Variants in ENTPD7 observed in about 807,000 individuals in gnomAD.
The protein encoded by ENTPD7 is NTPDase 7.
A neutral mutation model predicts 77.9 loss-of-function variants in ENTPD7; 53 were observed. The observed-to-expected ratio is 0.68, with a 90% confidence interval of 0.55 to 0.85. ENTPD7 has a LOEUF of 0.85. ENTPD7 is among the 40% of genes least tolerant of loss of function. ENTPD7 has a pLI of 0.00. For missense variants in ENTPD7, 636 were observed against 743.7 expected, an observed-to-expected ratio of 0.86 and a Z score of 1.68; for synonymous variants, 248 against 274.9, an observed-to-expected ratio of 0.90 and a Z score of 0.97.
chr10:99,680,219 C>A (rs1021788263), intron 5 of ENTPD7, among the ~76,000 whole-genome samples: 4 of 152,132 alleles, frequency 2.6e-5, no homozygotes, highest in Admixed American at 2.6e-4. Flanking sequence ...GGAACACTAC[C>A]TTTTCTGTAA....
In ENTPD7 at chr10:99,691,441, A is replaced by G; in HGVS notation, c.766A>G (p.Ile256Val). 3 of 1,614,086 alleles carry G rather than the reference A, an allele frequency of 1.9e-6. No individual in the cohort carries two copies. The highest frequency in any genetic ancestry group is 2.5e-6 in the Non-Finnish European group (3 of 1,179,980). ...AGCAGGACGGAGAAGGACAGTAGGG[A>G]TACTGGATATGGGAGGAGCCTCTCT... ...LAAGRRRTVG[I>V]LDMGGASLQI... Residue 256 changes from isoleucine (I) to valine (V), a missense_variant, in exon 8 of 13, where the codon ATA becomes GTA. Ile to Val is a conservative substitution (Grantham distance 29). Coordinates refer to ENST00000370489, the MANE Select transcript of ENTPD7 (RefSeq NM_020354.5).
chr10:99,685,724 C>T, intron 5 of ENTPD7, 68 bp from the exon 6 acceptor site: 1 of 1,138,412 alleles, frequency 8.8e-7, no homozygotes, highest in East Asian at 2.4e-5. Flanking sequence ...AGTAGAAGGA[C>T]AAGTTGAGGC....
At chr10:99,686,077 G>A (rs2035807832) in intron 6 of ENTPD7, among the ~76,000 whole-genome samples, 182 bp downstream of exon 6, 1 of 152,132 alleles carries the variant, frequency 6.6e-6, no homozygotes, top group Admixed American at 6.5e-5. Context: ...TGTTTAGAAT[G>A]CTGGTTCTGG....
Position 99,709,285 on chromosome 10 carries a change from A to C in ENTPD7, c.*4602A>C. 1.0e-6 allele frequency: 1 copy of C among 985,408 alleles called. No individual in the cohort carries two copies. Among genetic ancestry groups the C allele is most frequent in the Non-Finnish European group, 1.2e-6 (1 of 829,914 alleles). The allele number at this position is 985,408 out of a possible 1,614,324, so 61.0% of individuals were successfully genotyped here. A position where few individuals can be genotyped will look rare whatever the true frequency, so the allele number is the denominator to read the frequency against. ...TTGTTGTCTTTAAACTTTTCAAATTAATTCAAAACTAGTATCTAATTGTCC... is the reference window on the plus strand; with the variant it reads ...TTGTTGTCTTTAAACTTTTCAAATTCATTCAAAACTAGTATCTAATTGTCC... On this transcript the variant is annotated 3_prime_UTR_variant, in exon 13 of 13. Coordinates refer to ENST00000370489, the MANE Select transcript of ENTPD7 (RefSeq NM_020354.5).
At chr10:99,668,322 T>C (rs187664686) in intron 3 of ENTPD7, among the ~76,000 whole-genome samples, 21 of 152,288 alleles carry the variant, frequency 1.4e-4, no homozygotes, top group African/African-American at 4.3e-4. Context: ...TAATTGGGAC[T>C]CTTCTCAAGG....
chr10:99,669,788 C>T (rs1246952570), intron 3 of ENTPD7, among the ~76,000 whole-genome samples: 2 of 107,490 alleles, frequency 1.9e-5, no homozygotes, highest in South Asian at 3.3e-4. Flanking sequence ...CTTGCTCTGT[C>T]GTCCAGGCTG....
chr10:99,678,253 G>T (rs1189839622), intron 3 of ENTPD7, among the ~76,000 whole-genome samples: 4 of 151,734 alleles, frequency 2.6e-5, no homozygotes, highest in African/African-American at 9.7e-5. Flanking sequence ...CGGATCACGA[G>T]GTCAGGAGAT....
chr10:99,700,546 T>C (rs1290202265), intron 10 of ENTPD7, among the ~76,000 whole-genome samples: 1 of 152,146 alleles, frequency 6.6e-6, no homozygotes, highest in African/African-American at 2.4e-5. Flanking sequence ...GAACAGCACC[T>C]GGCACATAGC....
intron 3 of ENTPD7, among the ~76,000 whole-genome samples, chr10:99,661,876 A>G (rs2035491829): frequency 1.3e-5 from 2 of 152,202 alleles, no homozygotes; most frequent in Non-Finnish European, 2.9e-5. Context: ...TGTGTGTATA[A>G]ATGTTTAGGA....
chr10:99,704,596 C>G lies in ENTPD7; in HGVS notation c.1728C>G (p.His576Gln). The change falls in exon 13 of 13, where the codon CAC (histidine) becomes CAG (glutamine). Residue 576 changes from histidine to glutamine, a missense_variant. Physicochemically the swap from His to Gln is conservative, Grantham distance 24 (BLOSUM62 0). This residue lies in a region of ENTPD7 where 138 missense variants were observed against 150.9 expected (regional missense o/e 0.91). Coordinates refer to ENST00000370489, the MANE Select transcript of ENTPD7 (RefSeq NM_020354.5). ...ACCTTCTGCGGCTACGCCGAATTCA[C>G]CACCGACAAACACGAGCCTCAGCTC... ...FLYLLRLRRI[H>Q]HRQTRASAPL... is the part of the protein sequence containing the mutation. The G allele has an allele frequency of 6.2e-7, 1 of 1,614,180 alleles. No individual in the cohort carries two copies. Among genetic ancestry groups the G allele is most frequent in the South Asian group, 1.1e-5 (1 of 91,082 alleles).
chr10:99,672,908 T>A (rs1379199789), intron 3 of ENTPD7, among the ~76,000 whole-genome samples: 1 of 152,204 alleles, frequency 6.6e-6, no homozygotes, highest in Non-Finnish European at 1.5e-5. Context: ...TAAAGTGGTA[T>A]AATTAGTTTT....
chr10:99,699,759 T>G (rs866859178), intron 10 of ENTPD7, among the ~76,000 whole-genome samples: 1 of 152,048 alleles, frequency 6.6e-6, no homozygotes, highest in Non-Finnish European at 1.5e-5. Flanking sequence ...AGAGATGGGG[T>G]TTTGCCATGT....
At chr10:99,695,250 C>A (rs1223265645) in intron 8 of ENTPD7, among the ~76,000 whole-genome samples, 5 of 152,264 alleles carry the variant, frequency 3.3e-5, no homozygotes, top group African/African-American at 1.2e-4. Flanking sequence ...CAGAACCGGG[C>A]ACAGTGGCTC....
intron 3 of ENTPD7, among the ~76,000 whole-genome samples, chr10:99,665,019 G>A (rs2035531208): frequency 6.6e-6 from 1 of 151,852 alleles, no homozygotes; most frequent in African/African-American, 2.4e-5. Context: ...GGGAGGCGGA[G>A]GCAGGTGGAT....
Position 99,661,506 on chromosome 10 carries a change from A to T in ENTPD7, c.69A>T (p.Pro23=), listed in dbSNP as rs1258087569. The change falls in exon 3 of 13, where the codon CCA becomes CCT. Residue 23 remains proline, a synonymous_variant. Coordinates refer to ENST00000370489, the MANE Select transcript of ENTPD7 (RefSeq NM_020354.5). ...SWYFTVPTVS[P]FLRQRVAFLG... is the part of the protein sequence containing the mutation. Reference sequence around the variant, plus strand: ...ACTTCACTGTGCCCACAGTGAGTCCATTTCTCCGTCAGCGGGTGGCATTCC... The same window carrying T: ...ACTTCACTGTGCCCACAGTGAGTCCTTTTCTCCGTCAGCGGGTGGCATTCC... The T allele has an allele frequency of 1.2e-6, 2 of 1,613,916 alleles. No homozygotes were observed. Among genetic ancestry groups the T allele is most frequent in the East Asian group, 2.2e-5 (1 of 44,858 alleles).
chr10:99,671,480 C>T (rs1185014619), intron 3 of ENTPD7, among the ~76,000 whole-genome samples: 2 of 152,128 alleles, frequency 1.3e-5, no homozygotes, highest in African/African-American at 4.8e-5. Flanking sequence ...TAAGCCTGCA[C>T]AGGATCAGGA....
chr10:99,701,511 C>T (rs1253327732), intron 11 of ENTPD7, among the ~76,000 whole-genome samples: 1 of 151,582 alleles, frequency 6.6e-6, no homozygotes, highest in African/African-American at 2.4e-5. Context: ...TGGTCTTGAA[C>T]TCCTGAGCTC....
rs138755490 is a variant in ENTPD7 at position 99,670,257 on chromosome 10, A to G, written c.191+8629A>G. 8.5e-5 allele frequency among the ~76,000 whole-genome samples: 13 copies of G among 152,354 alleles called. No individual in the cohort carries two copies. In the East Asian group the frequency reaches 2.5e-3, roughly 29 times the overall value. ...TTAAATTTAAATTAATTAAGATTAA[A>G]TGAAACAAAATTCAGTTCCTCACTT... On this transcript the variant is annotated intron_variant, in intron 3 of 12. Coordinates refer to ENST00000370489, the MANE Select transcript of ENTPD7 (RefSeq NM_020354.5).
At chr10:99,695,700 C>G (rs571758624) in intron 8 of ENTPD7, among the ~76,000 whole-genome samples, 1 of 152,034 alleles carries the variant, frequency 6.6e-6, no homozygotes, top group Non-Finnish European at 1.5e-5. Flanking sequence ...GTAATTCTAC[C>G]TCCTATATAA....
Sources: gnomAD v4.1 joint callset for allele counts (sites outside exome capture counted in the v4.1 genomes callset) on GRCh38, gnomAD v4.1.1 for gene constraint, gnomAD v4.1.1 regional missense constraint, MANE v1.5 for transcripts, NCBI Gene and HGNC (gene_info 2026-07-23, HGNC 2026-07-21) for gene names.